TTC9B: variants seen among roughly 807,000 people sequenced by gnomAD.
TTC9B encodes tetratricopeptide repeat domain 9B, also known as tetratricopeptide repeat protein 9B.
TTC9B carries 12 observed loss-of-function variants against 19.4 expected under a neutral mutation model. The observed-to-expected ratio is 0.62, with a 90% CI of 0.40 to 1.00. The LOEUF is 1.00. TTC9B is among the 50% of genes least tolerant of loss of function. The probability of loss-of-function intolerance (pLI) is 0.00; values close to 1 mark genes in which losing one functional copy is unlikely to be tolerated. For synonymous variants in TTC9B, 156 were observed against 158.6 expected (o/e 0.98, Z 0.12); for missense variants, 316 against 345.2 (o/e 0.92, Z 0.67).
intron 2 of TTC9B, 60 bp downstream of exon 2, chr19:40,217,127 C>G: frequency 1.9e-6 from 3 of 1,540,102 alleles, no homozygotes; most frequent in Non-Finnish European, 2.6e-6. Context: ...GTTCCCTCCG[C>G]TGCAGCCCCT....
chr19:40,216,946 C>G, intron 2 of TTC9B: 1 of 585,394 alleles, frequency 1.7e-6, no homozygotes, highest in Non-Finnish European at 3.1e-6. Context: ...TGAGAAATGG[C>G]CGGGGAGATG....
At position 40,218,089 on chromosome 19, in the gene TTC9B, G is replaced by T. The variant is rs1401188862; in HGVS notation, c.293C>A (p.Ala98Glu). The change falls in exon 1 of 3, where the codon GCG (alanine) becomes GAG (glutamate). Residue 98 changes from alanine to glutamate, a missense_variant. Coordinates refer to ENST00000311308, the MANE Select transcript of TTC9B (RefSeq NM_152479.6). This position sits in a 1 kb window ranked among gnomAD's most constrained non-coding sequence, Gnocchi z 4.2. ...YHRALLQLKA[A>E]QGARPSGLPA... ...CAGGCCGCTAGGGCGGGCCCCCTGC[G>T]CCGCCTTCAGCTGCAGCAGCGCTCG... 3 of 1,552,632 alleles carry T rather than the reference G, an allele frequency of 1.9e-6. No homozygotes were observed. The highest frequency in any genetic ancestry group is 2.6e-6 in the Non-Finnish European group (3 of 1,155,094).
Position 40,218,240 on chromosome 19 carries a change from G to A in TTC9B, c.142C>T (p.Pro48Ser). 2.0e-6 allele frequency: 3 copies of A among 1,524,334 alleles called. No homozygotes were observed. The highest frequency in any genetic ancestry group is 2.1e-5 in the Admixed American group (1 of 47,406). 94.4% of individuals were successfully genotyped at this position (1,524,334 alleles called of 1,614,324 possible). The change falls in exon 1 of 3, where the codon CCA becomes TCA. Residue 48 changes from proline (P) to serine (S), a missense_variant. Pro to Ser is a moderately conservative substitution (Grantham distance 74, BLOSUM62 -1). Coordinates refer to ENST00000311308, the MANE Select transcript of TTC9B (RefSeq NM_152479.6). This position sits in a 1 kb window ranked among gnomAD's most constrained non-coding sequence, Gnocchi z 4.2. ...GCGCCCAGGCTCCCCGACGGCTCTG[G>A]GGTAGGACCGGGACGAGCCGAGCCA... is the stretch of plus-strand genomic sequence containing the variant. ...RHGSARPGPT[P>S]EPSGSLGAAL...
chr19:40,216,313 G>T (rs1300525254), intron 2 of TTC9B, 41 bp from the exon 3 acceptor site: 1 of 1,536,064 alleles, frequency 6.5e-7, no homozygotes, highest in African/African-American at 1.4e-5. Context: ...GGTGTCCCGG[G>T]GCAGCAGGTG....
chr19:40,216,612 A>C, intron 2 of TTC9B: 1 of 355,308 alleles, frequency 2.8e-6, no homozygotes, highest in Non-Finnish European at 5.3e-6. Flanking sequence ...GGCTCCCACA[A>C]CCCTGCACCT....
In TTC9B at chr19:40,216,993, G is replaced by A; in HGVS notation, c.610+194C>T. Reference sequence around the variant, plus strand: ...ATAGGTGGACGGATGTTTGAATGGCGGGTGAAGGGCGGGGTGGATGAATGG... The same window carrying A: ...ATAGGTGGACGGATGTTTGAATGGCAGGTGAAGGGCGGGGTGGATGAATGG... On this transcript the variant is annotated intron_variant, in intron 2 of 2. Transcript: ENST00000311308. 4.9e-6 allele frequency: 3 copies of A among 616,966 alleles called. 1 individual carries two copies. The South Asian group carries it at 6.0e-5, about 12-fold the overall frequency. 38.2% of individuals were successfully genotyped at this position (616,966 alleles called of 1,614,324 possible). A position where few individuals can be genotyped will look rare whatever the true frequency, so the allele number is the denominator to read the frequency against.
rs1253413174 is a variant in TTC9B at position 40,218,230 on chromosome 19, G to A, written c.152C>T (p.Ser51Leu). The change falls in exon 1 of 3, where the codon TCG becomes TTG. Residue 51 changes from serine to leucine, a missense_variant. By Grantham distance (145) the Ser-to-Leu change is moderately radical (BLOSUM62 -2). Transcript: ENST00000311308. This position sits in a 1 kb window ranked among gnomAD's most constrained non-coding sequence, Gnocchi z 4.2. ...GTCGAGCGCCGCGCCCAGGCTCCCCGACGGCTCTGGGGTAGGACCGGGACG... is the reference window on the plus strand; with the variant it reads ...GTCGAGCGCCGCGCCCAGGCTCCCCAACGGCTCTGGGGTAGGACCGGGACG... ...SARPGPTPEP[S>L]GSLGAALDSS... 1.3e-6 allele frequency: 2 copies of A among 1,553,838 alleles called. No homozygotes were observed. Among genetic ancestry groups the A allele is most frequent in the Non-Finnish European group, 1.7e-6 (2 of 1,157,074 alleles).
At position 40,216,959 on chromosome 19, in the gene TTC9B, A is replaced by G. The variant is rs374942914; in HGVS notation, c.610+228T>C. ...GATGAGAAATGGCCGGGGAGATGTC[A>G]GAGGAGCGATAGGTGGACGGATGTT... On this transcript the variant is annotated intron_variant, in intron 2 of 2. Transcript: ENST00000311308. The G allele has an allele frequency of 3.1e-4, 185 of 593,162 alleles. 5 individuals carry two copies. In the South Asian group the frequency reaches 3.7e-3, roughly 12 times the overall value. The allele number at this position is 593,162 out of a possible 1,614,324, so 36.7% of individuals were successfully genotyped here.
chr19:40,217,897 A>G, intron 1 of TTC9B, 58 bp downstream of exon 1: 1 of 1,351,976 alleles, frequency 7.4e-7, no homozygotes, highest in Non-Finnish European at 9.7e-7. Flanking sequence ...CAAGTCGCCA[A>G]GCTCTCCCGA....
chr19:40,218,076 G>A lies in TTC9B; in HGVS notation c.306C>T (p.Arg102=). The A allele has an allele frequency of 1.3e-6, 2 of 1,546,354 alleles. No individual in the cohort carries two copies. Among genetic ancestry groups the A allele is most frequent in the Non-Finnish European group, 1.7e-6 (2 of 1,152,402 alleles). The change falls in exon 1 of 3, where the codon CGC becomes CGT. Residue 102 remains arginine, a synonymous_variant. Transcript: ENST00000311308. This position sits in a 1 kb window ranked among gnomAD's most constrained non-coding sequence, Gnocchi z 4.2. ...LLQLKAAQGA[R]PSGLPAPAPG... ...GGGCGGGGGCGGGCAGGCCGCTAGG[G>A]CGGGCCCCCTGCGCCGCCTTCAGCT...
In TTC9B at chr19:40,218,195, G is replaced by C; in HGVS notation, c.187C>G (p.Arg63Gly). Residue 63 changes from arginine to glycine, a missense_variant, in exon 1 of 3, where the codon CGT becomes GGT. Arg to Gly is a moderately radical substitution (Grantham distance 125). Transcript: ENST00000311308. This position sits in a 1 kb window ranked among gnomAD's most constrained non-coding sequence, Gnocchi z 4.2. The part of the protein sequence containing the change: ...SLGAALDSSL[R>G]AAVAFKAEGQ... The stretch of plus-strand genomic sequence containing the variant: ...TCTGCCTTGAACGCCACGGCGGCAC[G>C]CAGGCTGCTGTCGAGCGCCGCGCCC... 1 of 1,574,554 alleles carries C rather than the reference G, an allele frequency of 6.4e-7. No homozygotes were observed. Among genetic ancestry groups the C allele is most frequent in the African/African-American group, 1.4e-5 (1 of 70,818 alleles).
chr19:40,216,930 G>C, intron 2 of TTC9B: 1 of 580,334 alleles, frequency 1.7e-6, no homozygotes, highest in Non-Finnish European at 3.1e-6. Context: ...TGGCAATGAC[G>C]GTAGATGAGA....
chr19:40,217,097 C>A, intron 2 of TTC9B, 90 bp downstream of exon 2: 2 of 1,425,694 alleles, frequency 1.4e-6, no homozygotes, highest in Non-Finnish European at 1.9e-6. Flanking sequence ...CTCTGCTATT[C>A]TGCCCTGATC....
At chr19:40,217,839 C>A (rs1973390826) in intron 1 of TTC9B, 116 bp downstream of exon 1, 1 of 969,436 alleles carries the variant, frequency 1.0e-6, no homozygotes, top group Non-Finnish European at 1.4e-6. Flanking sequence ...GAAGGCTCCC[C>A]CAGAAGCCCA....
At chr19:40,217,803 CT>C (rs1973390078) in intron 1 of TTC9B, 151 bp downstream of exon 1, 2 of 701,314 alleles carry the variant, frequency 2.9e-6, no homozygotes, top group African/African-American at 1.9e-5. Context: ...TCCCCTACCC[CT>C]AATCCCTTTC....
In TTC9B at chr19:40,218,048, C is replaced by A. The variant is rs766367490; in HGVS notation, c.334G>T (p.Gly112Trp). ...GCCGGCCCGGGGCTGCTGGTGGGCC[C>A]GGGGGCGGGGGCGGGCAGGCCGCTA... ...RPSGLPAPAP[G>W]PTSSPGPARL... The change falls in exon 1 of 3, where the codon GGG becomes TGG. Residue 112 changes from glycine to tryptophan, a missense_variant. Gly to Trp is a radical substitution (Grantham distance 184). Transcript: ENST00000311308. This position sits in a 1 kb window ranked among gnomAD's most constrained non-coding sequence, Gnocchi z 4.2. 3 of 1,494,590 alleles carry A rather than the reference C, an allele frequency of 2.0e-6. 1 individual carries two copies. In the South Asian group the frequency reaches 3.9e-5, roughly 20 times the overall value. 92.6% of individuals were successfully genotyped at this position (1,494,590 alleles called of 1,614,324 possible).
At chr19:40,217,525 G>C in intron 1 of TTC9B, 156 bp from the exon 2 acceptor site, 1 of 950,844 alleles carries the variant, frequency 1.1e-6, no homozygotes, top group Non-Finnish European at 1.5e-6. Flanking sequence ...CGAAACAGGC[G>C]CAACTGCGCC....
At position 40,216,196 on chromosome 19, in the gene TTC9B, C is replaced by G; in HGVS notation, c.687G>C (p.Gly229=). The G allele has an allele frequency of 6.2e-7, 1 of 1,614,214 alleles. No individual in the cohort carries two copies. Among genetic ancestry groups the G allele is most frequent in the Non-Finnish European group, 8.5e-7 (1 of 1,180,040 alleles). The stretch of plus-strand genomic sequence containing the variant: ...TTACATCCCGAGTCTGGGACCCAGC[C>G]CCACTGTCTTCCCGCTGGAGGCTGC... ...NRCSLQREDS[G]AGSQTRDVIG The change falls in exon 3 of 3, where the codon GGG becomes GGC. Residue 229 remains glycine, a synonymous_variant. Transcript: ENST00000311308.
Position 40,217,963 on chromosome 19 carries a change from G to A in TTC9B, c.419C>T (p.Ser140Phe). Residue 140 changes from serine to phenylalanine, a missense_variant, in exon 1 of 3, where the codon TCC (serine) becomes TTC (phenylalanine). Ser to Phe is a radical substitution (Grantham distance 155). Transcript: ENST00000311308. The part of the protein sequence containing the change: ...VESTEVECYD[S>F]LTACLLQSEL... ...ACCCCCCGACGGCGTACCCGTGAGGGAGTCGTAACACTCCACCTCCGTGCT... is the reference window on the plus strand; with the variant it reads ...ACCCCCCGACGGCGTACCCGTGAGGAAGTCGTAACACTCCACCTCCGTGCT... 2 of 1,487,710 alleles carry A rather than the reference G, an allele frequency of 1.3e-6. No homozygotes were observed. Among genetic ancestry groups the A allele is most frequent in the Non-Finnish European group, 1.8e-6 (2 of 1,126,294 alleles). The allele number at this position is 1,487,710 out of a possible 1,614,324, so 92.2% of individuals were successfully genotyped here.
Sources: allele counts gnomAD v4.1 joint callset, GRCh38; gene constraint gnomAD v4.1.1; non-coding constraint Gnocchi (gnomAD v3.1); transcripts MANE v1.5; gene names NCBI Gene and HGNC (gene_info 2026-07-23, HGNC 2026-07-21).